SGIP1: variants seen among roughly 807,000 people sequenced by gnomAD.
SGIP1 encodes the protein SH3GL interacting endocytic adaptor 1.
SGIP1 carries 38 observed loss-of-function variants against 107.5 expected under a neutral mutation model. The observed-to-expected ratio is 0.35, with a 90% CI of 0.27 to 0.46. The LOEUF is 0.46. SGIP1 is among the 20% of genes least tolerant of loss of function. The probability of loss-of-function intolerance (pLI) is 1.00; values close to 1 mark genes in which losing one functional copy is unlikely to be tolerated. For missense variants in SGIP1, 929 were observed against 1,019.5 expected (o/e 0.91, Z 1.21); for synonymous variants, 365 against 366.1 (o/e 1.00, Z 0.03).
intron 1 of SGIP1, among the ~76,000 whole-genome samples, chr1:66,610,684 G>A (rs890016215): frequency 6.7e-6 from 1 of 149,144 alleles, no homozygotes; most frequent in Non-Finnish European, 1.5e-5. Flanking sequence ...AGCTTTAGGG[G>A]AAAAAAGGAA....
chr1:66,592,963 C>A (rs566856682), intron 1 of SGIP1, among the ~76,000 whole-genome samples: 9 of 118,024 alleles, frequency 7.6e-5, no homozygotes, highest in Non-Finnish European at 1.1e-4. Context: ...AGGCTGATCT[C>A]GAACTCCTGG....
chr1:66,605,123 C>G (rs374857552), intron 1 of SGIP1, among the ~76,000 whole-genome samples: 1 of 152,188 alleles, frequency 6.6e-6, no homozygotes, highest in Non-Finnish European at 1.5e-5. Context: ...CAAGCCACTT[C>G]CATGGAACAA....
intron 1 of SGIP1, among the ~76,000 whole-genome samples, chr1:66,600,354 GCA>G (rs2065547880): frequency 1.0e-5 from 1 of 100,286 alleles, no homozygotes; most frequent in African/African-American, 3.8e-5. Flanking sequence ...AGGGGAACTA[GCA>G]CAGAGACCCC....
intron 1 of SGIP1, among the ~76,000 whole-genome samples, chr1:66,599,156 G>A (rs555532459): frequency 6.6e-5 from 10 of 152,200 alleles, no homozygotes; most frequent in African/African-American, 2.4e-4. Context: ...GGACATAAAT[G>A]CTCAAGTTAC....
chr1:66,591,473 A>G (rs909284884), intron 1 of SGIP1, among the ~76,000 whole-genome samples: 1 of 152,178 alleles, frequency 6.6e-6, no homozygotes, highest in African/African-American at 2.4e-5. Context: ...TTAAGTTCAC[A>G]GCAAAATTGA....
At chr1:66,722,774 G>T (rs554862936) in intron 19 of SGIP1, among the ~76,000 whole-genome samples, 62 of 152,246 alleles carry the variant, frequency 4.1e-4, no homozygotes, top group East Asian at 1.7e-3. Context: ...ATAAGCCAGG[G>T]TTTTCATCCT....
Position 66,596,522 on chromosome 1 carries a change from T to C in SGIP1, c.11-29325T>C, listed in dbSNP as rs115527039. Among the ~76,000 whole-genome samples the C allele has an allele frequency of 8.8e-3, 1,341 of 151,888 alleles. 15 individuals carry two copies. Among genetic ancestry groups the C allele is most frequent in the African/African-American group, 0.029 (1,184 of 41,424 alleles). ...TAGGAAAGGGTCGGTATATGTAAAA[T>C]AGGTGAAAGGTGGAAACAGATCAGA... On this transcript the variant is annotated intron_variant, in intron 1 of 24. Transcript: ENST00000371037.
intron 1 of SGIP1, among the ~76,000 whole-genome samples, chr1:66,600,791 A>G (rs1433779667): frequency 6.6e-6 from 1 of 152,170 alleles, no homozygotes; most frequent in East Asian, 1.9e-4. Context: ...GATTTTAGGC[A>G]GGGGCATGAC....
intron 1 of SGIP1, among the ~76,000 whole-genome samples, chr1:66,613,385 A>G (rs527997033): frequency 6.6e-6 from 1 of 152,254 alleles, no homozygotes; most frequent in South Asian, 2.1e-4. Flanking sequence ...GAGGGAGTGC[A>G]GTGGTGCAAT....
intron 2 of SGIP1, among the ~76,000 whole-genome samples, chr1:66,628,832 TC>T (rs1173144792): frequency 8.5e-6 from 1 of 117,644 alleles, no homozygotes; most frequent in African/African-American, 3.6e-5. Context: ...GTTTAAAGAA[TC>T]CCAAGTATCC....
At chr1:66,702,378 C>A (rs2092018377) in intron 18 of SGIP1, among the ~76,000 whole-genome samples, 1 of 152,180 alleles carries the variant, frequency 6.6e-6, no homozygotes. Flanking sequence ...ACTCAATAAC[C>A]ACGTGATCTT....
rs186762789 is a variant in SGIP1, at chr1:66,673,591, A to T, written c.646+225A>T. ...TTCCAGAAATATCTAATAGCTAAGA[A>T]GCTCATTCTTCAAAACAAGTCAGTA... On this transcript the variant is annotated intron_variant, in intron 12 of 24. Coordinates refer to ENST00000371037, the MANE Select transcript of SGIP1 (RefSeq NM_032291.4). Among the ~76,000 whole-genome samples the T allele has an allele frequency of 1.3e-3, 205 of 152,322 alleles. 1 individual carries two copies. The highest frequency in any genetic ancestry group is 4.9e-3 in the African/African-American group (202 of 41,562).
intron 17 of SGIP1, among the ~76,000 whole-genome samples, chr1:66,693,997 GA>G: frequency 6.6e-6 from 1 of 152,364 alleles, no homozygotes; most frequent in Non-Finnish European, 1.5e-5. Context: ...CCCATGGGAG[GA>G]AGGTGCATGC....
intron 18 of SGIP1, among the ~76,000 whole-genome samples, chr1:66,706,644 G>A (rs968972945): frequency 6.6e-6 from 1 of 151,680 alleles, no homozygotes; most frequent in Non-Finnish European, 1.5e-5. Context: ...TCCTCAGTAT[G>A]AAAGTAACAC....
intron 1 of SGIP1, among the ~76,000 whole-genome samples, chr1:66,579,455 A>G (rs1414099530): frequency 1.3e-5 from 2 of 152,238 alleles, no homozygotes; most frequent in Non-Finnish European, 2.9e-5. Context: ...AGACTATGGC[A>G]GAGGGCAGAC....
At chr1:66,583,833 A>G (rs2062162368) in intron 1 of SGIP1, among the ~76,000 whole-genome samples, 1 of 152,126 alleles carries the variant, frequency 6.6e-6, no homozygotes, top group South Asian at 2.1e-4. Context: ...CTCTCCTAGT[A>G]CAGTAGTCAA....
chr1:66,567,945 C>A (rs2059883277), intron 1 of SGIP1, among the ~76,000 whole-genome samples: 1 of 152,070 alleles, frequency 6.6e-6, no homozygotes, highest in Admixed American at 6.6e-5. Flanking sequence ...CATGATGCCT[C>A]CAGCTTTGTT....
intron 5 of SGIP1, among the ~76,000 whole-genome samples, chr1:66,642,080 T>C (rs1260137044): frequency 2.0e-5 from 3 of 152,228 alleles, no homozygotes; most frequent in Non-Finnish European, 2.9e-5. Context: ...CAGAACTCCT[T>C]AAGATTCTGC....
chr1:66,717,942 T>C (rs888074794), intron 18 of SGIP1, among the ~76,000 whole-genome samples: 1 of 152,162 alleles, frequency 6.6e-6, no homozygotes, highest in South Asian at 2.1e-4. Flanking sequence ...ACAACGACCA[T>C]GTGTTTTTGA....
Sources: allele counts gnomAD v4.1 joint callset (sites outside exome capture counted in the v4.1 genomes callset), GRCh38; gene constraint gnomAD v4.1.1; transcripts MANE v1.5; gene names NCBI Gene and HGNC (gene_info 2026-07-23, HGNC 2026-07-21).